DIS3L2: variants seen among roughly 807,000 people sequenced by gnomAD.
DIS3L2 encodes the protein DIS3-like exonuclease 2.
DIS3L2 carries 34 observed loss-of-function variants against 97.5 expected under a neutral mutation model. The ratio of observed to expected loss-of-function variants is 0.35; its 90% CI spans 0.27 to 0.46. The LOEUF (loss-of-function observed/expected upper bound fraction) is 0.46. DIS3L2 is among the 20% of genes least tolerant of loss of function. DIS3L2 has a pLI of 1.00. For synonymous variants in DIS3L2, 435 were observed against 445.2 expected, an observed-to-expected ratio of 0.98 and a Z score of 0.29; for missense variants, 1,038 against 1,146.0, an observed-to-expected ratio of 0.91 and a Z score of 1.36.
At chr2:232,307,001 T>C (rs1695002156) in intron 14 of DIS3L2, among the ~76,000 whole-genome samples, 1 of 152,228 alleles carries the variant, frequency 6.6e-6, no homozygotes, top group Non-Finnish European at 1.5e-5. Context: ...CTCCTTCCAC[T>C]CTCAGCTAGG....
chr2:232,165,690 A>G (rs1690782984), intron 9 of DIS3L2, among the ~76,000 whole-genome samples: 1 of 152,074 alleles, frequency 6.6e-6, no homozygotes, highest in Non-Finnish European at 1.5e-5. Flanking sequence ...CACCCGGCTA[A>G]TTCTTTTATT....
intron 16 of DIS3L2, 135 bp downstream of exon 16, chr2:232,330,911 C>T (rs1163557005): frequency 2.2e-6 from 2 of 910,986 alleles, no homozygotes; most frequent in East Asian, 5.0e-5. Context: ...GGGGCTGCTC[C>T]TCCTCTGCCA....
intron 5 of DIS3L2, among the ~76,000 whole-genome samples, chr2:232,079,708 A>G (rs1467839753): frequency 6.6e-6 from 1 of 152,094 alleles, no homozygotes; most frequent in African/African-American, 2.4e-5. Context: ...TGATCAGGGA[A>G]GTGTCTCTGA....
At chr2:232,303,522 T>C (rs879848282) in intron 14 of DIS3L2, among the ~76,000 whole-genome samples, 16 of 152,240 alleles carry the variant, frequency 1.1e-4, no homozygotes, top group Admixed American at 1.0e-3. Flanking sequence ...CTTTCCTTTT[T>C]GGATATTCCC....
intron 13 of DIS3L2, among the ~76,000 whole-genome samples, chr2:232,298,720 G>A (rs1353031723): frequency 1.3e-5 from 2 of 152,140 alleles, no homozygotes; most frequent in African/African-American, 2.4e-5. Flanking sequence ...CTCCTAATGT[G>A]CAGTTAATTT....
intron 9 of DIS3L2, among the ~76,000 whole-genome samples, chr2:232,171,552 G>C (rs978072935): frequency 6.6e-6 from 1 of 152,144 alleles, no homozygotes; most frequent in Admixed American, 6.5e-5. Flanking sequence ...TAATTACGCA[G>C]GAAATTCAAG....
chr2:232,319,242 CTGTG>C (rs757732529), intron 14 of DIS3L2, among the ~76,000 whole-genome samples: 36 of 152,320 alleles, frequency 2.4e-4, no homozygotes, highest in Non-Finnish European at 4.1e-4. Context: ...GCACACGACA[CTGTG>C]TGGTTGGCAC....
chr2:232,163,562 C>G lies in DIS3L2; in HGVS notation c.1054C>G (p.Leu352Val). 1 of 1,614,102 alleles carries G rather than the reference C, an allele frequency of 6.2e-7. No homozygotes were observed. Among genetic ancestry groups the G allele is most frequent in the East Asian group, 2.2e-5 (1 of 44,872 alleles). The change falls in exon 9 of 21, where the codon CTA becomes GTA. Residue 352 changes from leucine to valine, a missense_variant. By Grantham distance (32) the Leu-to-Val change is conservative (BLOSUM62 1). This residue lies in a region of DIS3L2 where 813 missense variants were observed against 880.1 expected (regional missense o/e 0.92). Transcript: ENST00000325385. ...TTTCTCTGATTTCTCTTCAGAAGTT[C>G]TAGAATGTCTTCCTCAAGGCCTGCC... ...VDFSDFSSEVLECLPQGLPWT... is the reference protein window; with the variant it reads ...VDFSDFSSEVVECLPQGLPWT...
rs57766848 is a variant in DIS3L2, at chr2:232,001,557, C to CTTTTTTTTTT, written c.-93-13264_-93-13255dup. ...CTTAGCTTAGTGGAATGCCATTTGT[C>CTTTTTTTTTT]TTTTTTTTTTTTTTTTTTTTTTTGC... On this transcript the variant is annotated intron_variant, in intron 1 of 20. Transcript: ENST00000325385. Among the ~76,000 whole-genome samples, 351 of 61,916 alleles carry CTTTTTTTTTT rather than the reference C, an allele frequency of 5.7e-3. 4 individuals are homozygous for CTTTTTTTTTT. The highest frequency in any genetic ancestry group is 0.012 in the African/African-American group (135 of 11,538). 40.6% of individuals were successfully genotyped at this position (61,916 alleles called of 152,430 possible). A position where few individuals can be genotyped will look rare whatever the true frequency, so the allele number is the denominator to read the frequency against.
At chr2:232,018,491 AT>A (rs1485766395) in intron 3 of DIS3L2, among the ~76,000 whole-genome samples, 1 of 152,238 alleles carries the variant, frequency 6.6e-6, no homozygotes, top group Non-Finnish European at 1.5e-5. Context: ...AACAGAGTCC[AT>A]CTGCTGCTTG....
intron 5 of DIS3L2, among the ~76,000 whole-genome samples, chr2:232,081,665 C>T (rs1037697874): frequency 2.0e-5 from 3 of 152,180 alleles, no homozygotes; most frequent in Admixed American, 2.0e-4. Flanking sequence ...GTCCTTTAGA[C>T]AAGACACTAG....
At chr2:232,039,453 G>A (rs1160497805) in intron 5 of DIS3L2, among the ~76,000 whole-genome samples, 1 of 152,078 alleles carries the variant, frequency 6.6e-6, no homozygotes, top group Non-Finnish European at 1.5e-5. Context: ...CTCCTCTTGG[G>A]TATGTAAACT....
At chr2:232,294,246 G>A (rs1022554168) in intron 13 of DIS3L2, among the ~76,000 whole-genome samples, 8 of 152,190 alleles carry the variant, frequency 5.3e-5, no homozygotes, top group African/African-American at 7.2e-5. Flanking sequence ...GAGCTGTCAC[G>A]TCCAGCCCTG....
In DIS3L2 at chr2:232,032,380, C is replaced by T. The variant is rs568291894; in HGVS notation, c.366+2300C>T. ...GTTTTCTTGTAAATTTGTTTAAGTT[C>T]CTTGTAGATTCTGGATATTATCCCT... On this transcript the variant is annotated intron_variant, in intron 5 of 20. Transcript: ENST00000325385. Among the ~76,000 whole-genome samples the T allele has an allele frequency of 1.1e-3, 175 of 152,182 alleles. 5 individuals are homozygous for T. The South Asian group carries it at 0.016, about 14-fold the overall frequency.
At chr2:232,294,146 T>C (rs945154562) in intron 13 of DIS3L2, among the ~76,000 whole-genome samples, 2 of 152,212 alleles carry the variant, frequency 1.3e-5, no homozygotes, top group African/African-American at 4.8e-5. Flanking sequence ...TCGTACCTCA[T>C]TGGCCTCGGT....
intron 9 of DIS3L2, among the ~76,000 whole-genome samples, chr2:232,166,975 C>T (rs188833678): frequency 2.0e-5 from 3 of 151,050 alleles, no homozygotes; most frequent in Admixed American, 6.6e-5. Context: ...AAGCTGAGAT[C>T]ATGCCACTGC....
chr2:232,273,134 AT>A (rs1694049463), intron 13 of DIS3L2, among the ~76,000 whole-genome samples: 1 of 152,052 alleles, frequency 6.6e-6, no homozygotes, highest in South Asian at 2.1e-4. Flanking sequence ...AGAAGTTCAC[AT>A]TTGTTTTTCC....
intron 8 of DIS3L2, among the ~76,000 whole-genome samples, chr2:232,160,702 C>A (rs1388559738): frequency 6.6e-6 from 1 of 151,952 alleles, no homozygotes; most frequent in East Asian, 1.9e-4. Flanking sequence ...CGTGGCAAAA[C>A]CCCATCTCTA....
chr2:232,322,348 G>A (rs539525576), intron 14 of DIS3L2, among the ~76,000 whole-genome samples: 14 of 152,318 alleles, frequency 9.2e-5, no homozygotes, highest in East Asian at 3.9e-4. Context: ...CAGATGGACC[G>A]AGAGTGGCAA....
Sources: allele counts gnomAD v4.1 joint callset (sites outside exome capture counted in the v4.1 genomes callset), GRCh38; gene constraint gnomAD v4.1.1; regional missense constraint gnomAD v4.1.1; transcripts MANE v1.5; gene names NCBI Gene and HGNC (gene_info 2026-07-23, HGNC 2026-07-21).